Variants in NOL4 observed in about 807,000 individuals in gnomAD.
NOL4 encodes the protein cancer/testis antigen 125.
NOL4 carries 17 observed loss-of-function variants against 75.9 expected under a neutral mutation model. The ratio of observed to expected loss-of-function variants is 0.22; its 90% CI spans 0.15 to 0.34. The LOEUF (loss-of-function observed/expected upper bound fraction) is 0.34, where lower values mean the gene tolerates loss of function less well. Ranked by LOEUF, NOL4 falls within the 10% of genes least tolerant of loss-of-function variation. The pLI, the probability that NOL4 is intolerant of heterozygous loss-of-function variation, is 1.00. For missense variants in NOL4, 614 were observed against 793.5 expected (o/e 0.77, Z 2.72); for synonymous variants, 292 against 289.9 (o/e 1.01, Z -0.07).
At chr18:33,870,271 T>C (rs1193241008) in intron 10 of NOL4, among the ~76,000 whole-genome samples, 1 of 152,032 alleles carries the variant, frequency 6.6e-6, no homozygotes, top group Non-Finnish European at 1.5e-5. Context: ...ATGATCTCAC[T>C]CATATGTGGA....
At chr18:33,855,524 A>T (rs1218677304) in intron 10 of NOL4, among the ~76,000 whole-genome samples, 1 of 152,100 alleles carries the variant, frequency 6.6e-6, no homozygotes, top group Non-Finnish European at 1.5e-5. Flanking sequence ...CACAAAAGAT[A>T]CTTCAAGAGA....
At chr18:33,907,519 T>C (rs1174298458) in intron 9 of NOL4, among the ~76,000 whole-genome samples, 1 of 152,112 alleles carries the variant, frequency 6.6e-6, no homozygotes, top group Non-Finnish European at 1.5e-5. Flanking sequence ...CTATTATCTA[T>C]AAAAATATTA....
chr18:33,895,631 T>A (rs959733284), intron 9 of NOL4, among the ~76,000 whole-genome samples: 5 of 152,084 alleles, frequency 3.3e-5, no homozygotes, highest in African/African-American at 1.2e-4. Flanking sequence ...GTCTTTAACA[T>A]TAAATCATAT....
Position 33,879,909 on chromosome 18 carries a change from T to G in NOL4, c.1723+3335A>C, listed in dbSNP as rs143496742. ...AGAGATTGCTGGGTCAAATGGTAAA[T>G]GTACATTCATTTTTTCTATTAATAT... On this transcript the variant is annotated intron_variant, in intron 10 of 10. Coordinates refer to ENST00000261592, the MANE Select transcript of NOL4 (RefSeq NM_003787.5). Among the ~76,000 whole-genome samples, 19 of 152,186 alleles carry G rather than the reference T, an allele frequency of 1.2e-4. No homozygotes were observed. The East Asian group carries it at 3.7e-3, about 30-fold the overall frequency.
chr18:34,086,941 A>G (rs979567213), intron 5 of NOL4, among the ~76,000 whole-genome samples: 4 of 152,200 alleles, frequency 2.6e-5, no homozygotes, highest in Non-Finnish European at 4.4e-5. Context: ...ACATACATAT[A>G]CTAGGAATGA....
At chr18:33,940,899 A>G (rs1441277434) in intron 9 of NOL4, among the ~76,000 whole-genome samples, 1 of 151,884 alleles carries the variant, frequency 6.6e-6, no homozygotes, top group South Asian at 2.1e-4. Flanking sequence ...CTGGTGCAGG[A>G]GTAAGAAGTC....
intron 1 of NOL4, among the ~76,000 whole-genome samples, chr18:34,192,167 T>C (rs2034965846): frequency 6.6e-6 from 1 of 152,276 alleles, no homozygotes; most frequent in South Asian, 2.1e-4. Flanking sequence ...AGTTTATAGC[T>C]CTTTGAGATT....
chr18:33,975,841 C>T (rs767055083), intron 6 of NOL4, among the ~76,000 whole-genome samples: 1 of 152,170 alleles, frequency 6.6e-6, no homozygotes, highest in Non-Finnish European at 1.5e-5. Context: ...TGTCAAGCAT[C>T]TCTCCCTTTT....
At chr18:33,868,649 T>TCACACACACACACA (rs10669407) in intron 10 of NOL4, among the ~76,000 whole-genome samples, 2 of 137,902 alleles carry the variant, frequency 1.5e-5, no homozygotes, top group African/African-American at 2.7e-5. Context: ...TTCCTGTATT[T>TCACACACACACACA]CACACACACA....
intron 1 of NOL4, among the ~76,000 whole-genome samples, chr18:34,191,444 G>T (rs1413394610): frequency 1.1e-4 from 16 of 152,090 alleles, no homozygotes; most frequent in South Asian, 4.1e-4. Context: ...TATACAAAAA[G>T]TTCCAGAGGC....
intron 5 of NOL4, among the ~76,000 whole-genome samples, chr18:34,066,206 C>T (rs1208479933): frequency 6.6e-6 from 1 of 151,894 alleles, no homozygotes; most frequent in Admixed American, 6.6e-5. Context: ...AGAAGGCAAA[C>T]TTGAAATATC....
chr18:33,964,872 C>G (rs2070452122), intron 6 of NOL4, among the ~76,000 whole-genome samples: 1 of 151,994 alleles, frequency 6.6e-6, no homozygotes, highest in South Asian at 2.1e-4. Context: ...GGGCAATTGA[C>G]CTTGGTTTTG....
chr18:34,186,613 A>G (rs920691198), intron 1 of NOL4, among the ~76,000 whole-genome samples: 2 of 152,190 alleles, frequency 1.3e-5, no homozygotes, highest in Admixed American at 1.3e-4. Context: ...AAGCATTTTG[A>G]GAGTGCTATA....
intron 5 of NOL4, among the ~76,000 whole-genome samples, chr18:34,030,033 T>C (rs2075557304): frequency 6.6e-6 from 1 of 152,206 alleles, no homozygotes; most frequent in Non-Finnish European, 1.5e-5. Flanking sequence ...TGTACTATAA[T>C]TCAGTGATTC....
rs142562558 is a variant in NOL4, at chr18:34,070,644, GAC to G, written c.772+22819_772+22820del. Among the ~76,000 whole-genome samples, 633 of 152,174 alleles carry G rather than the reference GAC, an allele frequency of 4.2e-3. 5 individuals are homozygous for G. The highest frequency in any genetic ancestry group is 0.014 in the African/African-American group (574 of 41,520). The stretch of plus-strand genomic sequence containing the variant: ...CCTTTAAAAGTGAGTGTAAAATAAA[GAC>G]ACAGCCCATAAACAATGGCTGAGAG... On this transcript the variant is annotated intron_variant, in intron 5 of 10. Coordinates refer to ENST00000261592, the MANE Select transcript of NOL4 (RefSeq NM_003787.5).
At chr18:33,971,875 C>T (rs2145881662) in intron 6 of NOL4, among the ~76,000 whole-genome samples, 1 of 152,094 alleles carries the variant, frequency 6.6e-6, no homozygotes, top group African/African-American at 2.4e-5. Flanking sequence ...ACCAAAAATA[C>T]TTTTTTAAGG....
chr18:34,217,609 A>C (rs2036995016), intron 1 of NOL4, among the ~76,000 whole-genome samples: 3 of 152,074 alleles, frequency 2.0e-5, no homozygotes. Flanking sequence ...TCCGTGTTGC[A>C]ATGTGATTTT....
chr18:34,051,260 G>A (rs962125275), intron 5 of NOL4, among the ~76,000 whole-genome samples: 2 of 151,854 alleles, frequency 1.3e-5, no homozygotes, highest in African/African-American at 4.8e-5. Context: ...AAATCTATAT[G>A]ACTGTAATAT....
intron 6 of NOL4, among the ~76,000 whole-genome samples, chr18:34,011,426 A>T (rs1004829016): frequency 6.6e-6 from 1 of 151,682 alleles, no homozygotes; most frequent in Non-Finnish European, 1.5e-5. Flanking sequence ...ATTTGGGTCA[A>T]TATTGAATAT....
Sources: allele counts gnomAD v4.1 joint callset (sites outside exome capture counted in the v4.1 genomes callset), GRCh38; gene constraint gnomAD v4.1.1; transcripts MANE v1.5; gene names NCBI Gene and HGNC (gene_info 2026-07-23, HGNC 2026-07-21).